Variants in METTL17 observed in about 807,000 individuals in gnomAD.
The protein encoded by METTL17 is ribosome assembly protein METTL17, mitochondrial.
Under a neutral mutation model 59.4 loss-of-function variants are expected in METTL17, and 49 were observed. The observed-to-expected ratio is 0.82, with a 90% CI of 0.66 to 1.05. The LOEUF (loss-of-function observed/expected upper bound fraction) is 1.05, where lower values mean the gene tolerates loss of function less well. Among genes scored for constraint, METTL17 ranks in the 50% least tolerant of loss-of-function variants. The probability of loss-of-function intolerance (pLI) is 0.00; values close to 1 mark genes in which losing one functional copy is unlikely to be tolerated. For synonymous variants in METTL17, 208 were observed against 209.2 expected (o/e 0.99, Z 0.05); for missense variants, 555 against 578.4 (o/e 0.96, Z 0.41).
chr14:20,991,847 C>T, intron 3 of METTL17: 1 of 319,066 alleles, frequency 3.1e-6, no homozygotes, highest in East Asian at 1.0e-4. Context: ...AAATTTGTAT[C>T]ACACTTTCCT....
At position 20,992,151 on chromosome 14, in the gene METTL17, G is replaced by A. The variant is rs372378102; in HGVS notation, c.392G>A (p.Arg131His). The A allele has an allele frequency of 1.4e-5, 23 of 1,613,116 alleles. No homozygotes were observed. Among genetic ancestry groups the A allele is most frequent in the South Asian group, 2.2e-5 (2 of 90,822 alleles). The stretch of plus-strand genomic sequence containing the variant: ...TTATCTCAGACAGAGGAGAAACTTC[G>A]TGGAGCAGTGCTACACGCACTACGT... ...PDLSQTEEKL[R>H]GAVLHALRKT... Residue 131 changes from arginine to histidine, a missense_variant, in exon 4 of 14, where the codon CGT becomes CAT. Transcript: ENST00000339374.
At chr14:20,996,166 T>C (rs1880358095) in intron 11 of METTL17, 43 bp from the exon 12 acceptor site, 1 of 1,568,332 alleles carries the variant, frequency 6.4e-7, no homozygotes, top group Admixed American at 1.7e-5. Context: ...GTTTTGTGAT[T>C]GATGGCTCTT....
rs2138743106 is a variant in METTL17 at position 20,996,447 on chromosome 14, A to T, written c.1081-80A>T. On this transcript the variant is annotated intron_variant, in intron 12 of 13. Coordinates refer to ENST00000339374, the MANE Select transcript of METTL17 (RefSeq NM_022734.3). Reference sequence around the variant, plus strand: ...TTTATACATTGTAAAAAAGGACTGCAGGAATGGGGAAGAAGGGACTGTACA... The same window carrying T: ...TTTATACATTGTAAAAAAGGACTGCTGGAATGGGGAAGAAGGGACTGTACA... The T allele has an allele frequency of 2.0e-6, 3 of 1,528,582 alleles. No individual in the cohort carries two copies. In the South Asian group the frequency reaches 3.8e-5, roughly 19 times the overall value. The allele number at this position is 1,528,582 out of a possible 1,614,324, so 94.7% of individuals were successfully genotyped here. A position where few individuals can be genotyped will look rare whatever the true frequency, so the allele number is the denominator to read the frequency against.
chr14:20,993,405 T>C, intron 6 of METTL17: 1 of 483,526 alleles, frequency 2.1e-6, no homozygotes, highest in South Asian at 4.2e-5. Flanking sequence ...GGCGCATGTG[T>C]AGAAAAATTA....
chr14:20,995,780 CATAGTCA>C, intron 10 of METTL17, 114 bp from the exon 11 acceptor site: 1 of 744,884 alleles, frequency 1.3e-6, no homozygotes, highest in Middle Eastern at 2.4e-4. Context: ...ATTCAAAGGA[CATAGTCA>C]ATCGTTATTA....
At chr14:20,994,691 C>G (rs898046414) in intron 8 of METTL17, 78 bp downstream of exon 8, 2 of 1,530,128 alleles carry the variant, frequency 1.3e-6, no homozygotes, top group African/African-American at 2.7e-5. Context: ...TGCAGCCCAG[C>G]ACTGAGTGTT....
rs1880132010 is a variant in METTL17, at chr14:20,993,167, GCTCAGGTACTGGTT to G, written c.581_594del (p.Ser194CysfsTer15). 9 of 1,614,012 alleles carry G rather than the reference GCTCAGGTACTGGTT, an allele frequency of 5.6e-6. No homozygotes were observed. Among genetic ancestry groups the G allele is most frequent in the Non-Finnish European group, 7.6e-6 (9 of 1,180,040 alleles). On this transcript the variant is annotated frameshift_variant, in exon 6 of 14. Transcript: ENST00000339374. LOFTEE classifies it high-confidence loss of function. Reference sequence around the variant, plus strand: ...CAGCCACAAACTTTGATGGACTTTGGCTCAGGTACTGGTTCTGTCACCTGGTGAGTAACTTTCTT... The same window carrying G: ...CAGCCACAAACTTTGATGGACTTTGGCTGTCACCTGGTGAGTAACTTTCTT...
chr14:20,994,440 A>G (rs1265174753), intron 7 of METTL17, 103 bp from the exon 8 acceptor site: 2 of 999,268 alleles, frequency 2.0e-6, no homozygotes, highest in African/African-American at 3.2e-5. Context: ...CCTTTTTGAT[A>G]TACACTTTAC....
chr14:20,995,679 G>A (rs1880326094), intron 10 of METTL17, among the ~76,000 whole-genome samples: 1 of 152,146 alleles, frequency 6.6e-6, no homozygotes, highest in Non-Finnish European at 1.5e-5. Context: ...GCTGACAAGG[G>A]AGAGCACCGT....
chr14:20,990,792 A>G (rs1411905568), intron 3 of METTL17, 194 bp downstream of exon 3: 1 of 673,176 alleles, frequency 1.5e-6, no homozygotes, highest in African/African-American at 1.8e-5. Flanking sequence ...AAAGGTCAGA[A>G]TGTCCCAGTA....
Position 20,994,786 on chromosome 14 carries a change from G to A in METTL17, c.769-8G>A, listed in dbSNP as rs747149759. On this transcript the variant is annotated splice_polypyrimidine_tract_variant and splice_region_variant and intron_variant, in intron 8 of 13. Transcript: ENST00000339374. ...TGAGTCTGTCATGTTCCTTGTCTTG[G>A]TCCTCAGGTGCAGTTTGATGTAGTA... 1 of 1,610,198 alleles carries A rather than the reference G, an allele frequency of 6.2e-7. No individual in the cohort carries two copies. The highest frequency in any genetic ancestry group is 1.1e-5 in the South Asian group (1 of 90,934).
intron 6 of METTL17, chr14:20,993,752 C>T (rs1305665472): frequency 1.4e-5 from 5 of 345,456 alleles, no homozygotes; most frequent in South Asian, 9.0e-5. Flanking sequence ...GGATTACAAG[C>T]ATGAGCCACT....
At position 20,995,222 on chromosome 14, in the gene METTL17, C is replaced by G; in HGVS notation, c.934C>G (p.Leu312Val). 1 of 1,614,096 alleles carries G rather than the reference C, an allele frequency of 6.2e-7. No individual in the cohort carries two copies. The highest frequency in any genetic ancestry group is 8.5e-7 in the Non-Finnish European group (1 of 1,179,946). ...CAGCCTTCTCATGGATGCCAGGGAT[C>G]TGGTCCTTAAGGTAAGGCTTCTTCT... The part of the protein sequence containing the change: ...GHSLLMDARD[L>V]VLKGKEKSPL... Residue 312 changes from leucine to valine, a missense_variant, in exon 10 of 14, where the codon CTG (leucine) becomes GTG (valine). Physicochemically the swap from Leu to Val is conservative, Grantham distance 32. Transcript: ENST00000339374.
rs1879956893 is a variant in METTL17 at position 20,990,255 on chromosome 14, T to C, written c.101T>C (p.Val34Ala). 1 of 1,614,172 alleles carries C rather than the reference T, an allele frequency of 6.2e-7. No individual in the cohort carries two copies. The highest frequency in any genetic ancestry group is 1.6e-4 in the Middle Eastern group (1 of 6,062). ...ARALAALVPG[V>A]TQVDNKSGFL... Reference sequence around the variant, plus strand: ...GCGCTCGCCGCCTTAGTACCCGGAGTGACCCAGGTAGATAACAAGTCCGGT... The same window carrying C: ...GCGCTCGCCGCCTTAGTACCCGGAGCGACCCAGGTAGATAACAAGTCCGGT... Residue 34 changes from valine (V) to alanine (A), a missense_variant, in exon 2 of 14, where the codon GTG (valine) becomes GCG (alanine). By Grantham distance (64) the Val-to-Ala change is moderately conservative. Transcript: ENST00000339374.
chr14:20,995,720 C>A lies in METTL17; in HGVS notation c.946-181C>A, dbSNP rs571139989. On this transcript the variant is annotated intron_variant, in intron 10 of 13. Coordinates refer to ENST00000339374, the MANE Select transcript of METTL17 (RefSeq NM_022734.3). ...GTGCCAAGTTCTTGCCTTTCTCCTG[C>A]AGCAAAGAGAAAGTTCTTTGTTTGG... 16 of 592,170 alleles carry A rather than the reference C, an allele frequency of 2.7e-5. No homozygotes were observed. In the South Asian group the frequency reaches 3.2e-4, roughly 12 times the overall value. The allele number at this position is 592,170 out of a possible 1,614,324, so 36.7% of individuals were successfully genotyped here.
At chr14:20,991,993 G>C (rs1049638336) in intron 3 of METTL17, 131 bp from the exon 4 acceptor site, 1 of 752,858 alleles carries the variant, frequency 1.3e-6, no homozygotes, top group African/African-American at 1.8e-5. Flanking sequence ...CTCTAGGTTT[G>C]TCGTCTCCCT....
Position 20,993,764 on chromosome 14 carries a change from T to C in METTL17, c.603-205T>C, listed in dbSNP as rs139807753. 2,671 of 376,748 alleles carry C rather than the reference T, an allele frequency of 7.1e-3. 11 individuals are homozygous for C. Among genetic ancestry groups the C allele is most frequent in the Middle Eastern group, 0.029 (38 of 1,318 alleles). 23.3% of individuals were successfully genotyped at this position (376,748 alleles called of 1,614,324 possible). On this transcript the variant is annotated intron_variant, in intron 6 of 13. Coordinates refer to ENST00000339374, the MANE Select transcript of METTL17 (RefSeq NM_022734.3). The stretch of plus-strand genomic sequence containing the variant: ...CTGGGATTACAAGCATGAGCCACTG[T>C]GCCCAGCTGAGTCTACCTTTTTTTT...
At chr14:20,995,845 A>G in intron 10 of METTL17, 56 bp from the exon 11 acceptor site, 1 of 1,444,664 alleles carries the variant, frequency 6.9e-7, no homozygotes, top group Non-Finnish European at 9.8e-7. Context: ...CAGAGATTGA[A>G]TTATGAAAAT....
chr14:20,990,462 A>G lies in METTL17; in HGVS notation c.230-2A>G, dbSNP rs1192209868. ...ATTCCGCTTTTCGTCTTTGGCCCAT[A>G]GGGAGCGCTGGGCCCACTATGGAGA... On this transcript the variant is annotated splice_acceptor_variant, in intron 2 of 13. Coordinates refer to ENST00000339374, the MANE Select transcript of METTL17 (RefSeq NM_022734.3). LOFTEE classifies it high-confidence loss of function. 4 of 1,614,034 alleles carry G rather than the reference A, an allele frequency of 2.5e-6. No individual in the cohort carries two copies. The highest frequency in any genetic ancestry group is 4.5e-5 in the East Asian group (2 of 44,894).
Sources: gnomAD v4.1 joint callset for allele counts (sites outside exome capture counted in the v4.1 genomes callset) on GRCh38, gnomAD v4.1.1 for gene constraint, MANE v1.5 for transcripts, NCBI Gene and HGNC (gene_info 2026-07-23, HGNC 2026-07-21) for gene names.